USP39: variants seen among roughly 807,000 people sequenced by gnomAD.
The protein encoded by USP39 is ubiquitin carboxyl-terminal hydrolase 39.
In USP39, 38 loss-of-function variants were observed where a neutral mutation model predicts 66.4. The observed-to-expected ratio is 0.57, with a 90% confidence interval of 0.44 to 0.75. The LOEUF is 0.75. USP39 is among the 30% of genes least tolerant of loss of function. The pLI is 0.00. For synonymous variants in USP39, 303 were observed against 274.6 expected (o/e 1.10, Z -1.02); for missense variants, 608 against 714.4 (o/e 0.85, Z 1.70).
At chr2:85,633,342 C>T (rs1398174519) in intron 6 of USP39, among the ~76,000 whole-genome samples, 2 of 152,132 alleles carry the variant, frequency 1.3e-5, no homozygotes, top group African/African-American at 2.4e-5. Flanking sequence ...AGGCTGGTAT[C>T]GAACTCCTCA....
chr2:85,609,448 A>T, upstream of USP39: 1 of 1,614,138 alleles, frequency 6.2e-7, no homozygotes, highest in Non-Finnish European at 8.5e-7. Context: ...ATAGACGATA[A>T]CTGATGTGAC....
At chr2:85,634,166 T>G (rs567389366) in intron 6 of USP39, among the ~76,000 whole-genome samples, 1 of 151,630 alleles carries the variant, frequency 6.6e-6, no homozygotes, top group South Asian at 2.1e-4. Flanking sequence ...TCTCTGGTAC[T>G]TAAGGAGAAA....
At chr2:85,633,200 A>G (rs905066419) in intron 6 of USP39, among the ~76,000 whole-genome samples, 1 of 149,658 alleles carries the variant, frequency 6.7e-6, no homozygotes, top group Non-Finnish European at 1.5e-5. Flanking sequence ...GGCTCACTGC[A>G]ACCTCTGTCT....
At chr2:85,609,684 CA>C (rs1176715961), upstream of USP39, 8 of 1,472,346 alleles carry the variant, frequency 5.4e-6, no homozygotes, top group Non-Finnish European at 7.3e-6. Context: ...AGGAAAGCCC[CA>C]GTCTTCTTTT....
At chr2:85,610,559 CAG>C (rs1268355493), upstream of USP39, 1 of 152,108 alleles carries the variant, frequency 6.6e-6, no homozygotes, top group Non-Finnish European at 1.5e-5. Context: ...GTGAAACAGA[CAG>C]AAGCTTTCTT....
At chr2:85,612,391 T>C, upstream of USP39, 1 of 1,534,740 alleles carries the variant, frequency 6.5e-7, no homozygotes, top group Non-Finnish European at 8.7e-7. Flanking sequence ...CATCGCCATC[T>C]GCGTGACTTT....
Position 85,639,329 on chromosome 2 carries a change from C to T in USP39, c.1222C>T (p.Leu408Phe). ...CCTCTACAAGGACGAGAAGGAGCAG[C>T]TCATCATTCCCCAAGTGCCACTCTT... The part of the protein sequence containing the change: ...APLYKDEKEQ[L>F]IIPQVPLFNI... The change falls in exon 9 of 13, where the codon CTC (leucine) becomes TTC (phenylalanine). Residue 408 changes from leucine to phenylalanine, a missense_variant. By Grantham distance (22) the Leu-to-Phe change is conservative. Transcript: ENST00000323701. The T allele has an allele frequency of 6.2e-7, 1 of 1,614,078 alleles. No homozygotes were observed. The highest frequency in any genetic ancestry group is 2.2e-5 in the East Asian group (1 of 44,878).
chr2:85,630,583 A>G, intron 5 of USP39, 138 bp from the exon 6 acceptor site: 3 of 724,852 alleles, frequency 4.1e-6, no homozygotes, highest in Non-Finnish European at 7.0e-6. Flanking sequence ...AGGATTCTCC[A>G]AGGGTCCATT....
chr2:85,634,775 G>A (rs1259403912), intron 6 of USP39, among the ~76,000 whole-genome samples: 1 of 152,198 alleles, frequency 6.6e-6, no homozygotes, highest in Non-Finnish European at 1.5e-5. Flanking sequence ...TGTTGAGAAT[G>A]ATTTTTTTGT....
At chr2:85,609,557 A>C (rs1205908833), upstream of USP39, 2 of 1,614,212 alleles carry the variant, frequency 1.2e-6, no homozygotes, top group South Asian at 1.1e-5. Context: ...GACTCTTCAT[A>C]GTCTGGGTTG....
chr2:85,616,160 T>C (rs551009704), upstream of USP39: 2 of 1,406,854 alleles, frequency 1.4e-6, no homozygotes, highest in Non-Finnish European at 1.9e-6. Flanking sequence ...CGAGCGTGCT[T>C]GGCGCCTGCG....
intron 6 of USP39, among the ~76,000 whole-genome samples, chr2:85,633,610 T>A (rs1675536226): frequency 6.6e-6 from 1 of 151,828 alleles, no homozygotes; most frequent in South Asian, 2.1e-4. Context: ...TACAAAAAAT[T>A]TTTAAAAATT....
At chr2:85,628,797 A>G (rs1365927938) in intron 5 of USP39, among the ~76,000 whole-genome samples, 1 of 152,148 alleles carries the variant, frequency 6.6e-6, no homozygotes, top group Non-Finnish European at 1.5e-5. Context: ...ACAAACAGGA[A>G]GTCCTTGTTT....
At chr2:85,630,634 T>C (rs1372932993) in intron 5 of USP39, 87 bp from the exon 6 acceptor site, 3 of 1,326,166 alleles carry the variant, frequency 2.3e-6, no homozygotes, top group Non-Finnish European at 3.2e-6. Context: ...ACATCACAAA[T>C]TCTATTAGGA....
chr2:85,611,636 G>A (rs772333453), upstream of USP39: 1 of 1,565,426 alleles, frequency 6.4e-7, no homozygotes, highest in Non-Finnish European at 8.7e-7. Flanking sequence ...AAGAGCGCGC[G>A]GGCTGGAGGC....
chr2:85,636,157 T>C, intron 7 of USP39, 27 bp downstream of exon 7: 1 of 1,607,178 alleles, frequency 6.2e-7, no homozygotes, highest in Non-Finnish European at 8.5e-7. Context: ...TAAAAAGGAG[T>C]TATTTTGTTC....
chr2:85,642,768 A>G (rs1329721208), intron 10 of USP39, among the ~76,000 whole-genome samples: 1 of 152,106 alleles, frequency 6.6e-6, no homozygotes, highest in Non-Finnish European at 1.5e-5. Flanking sequence ...GTCTTCTCCT[A>G]TGTTTTATTC....
intron 11 of USP39, among the ~76,000 whole-genome samples, chr2:85,647,552 C>T (rs776979922): frequency 6.6e-6 from 1 of 151,224 alleles, no homozygotes; most frequent in Non-Finnish European, 1.5e-5. Context: ...TTCCAGCTAC[C>T]TGGGAGGCTG....
In USP39 at chr2:85,631,363, T is replaced by C. The variant is rs533965752; in HGVS notation, c.949+417T>C. Among the ~76,000 whole-genome samples, 7 of 145,134 alleles carry C rather than the reference T, an allele frequency of 4.8e-5. No homozygotes were observed. In the East Asian group the frequency reaches 1.5e-3, roughly 30 times the overall value. On this transcript the variant is annotated intron_variant, in intron 6 of 12. Coordinates refer to ENST00000323701, the MANE Select transcript of USP39 (RefSeq NM_006590.4). ...GACAGTCTTGCTCTTTTGACCAGGCTGGAGTGCAGTGGCGGGACTTGTAGC... is the reference window on the plus strand; with the variant it reads ...GACAGTCTTGCTCTTTTGACCAGGCCGGAGTGCAGTGGCGGGACTTGTAGC...
Sources: allele counts gnomAD v4.1 joint callset (sites outside exome capture counted in the v4.1 genomes callset), GRCh38; gene constraint gnomAD v4.1.1; transcripts MANE v1.5; gene names NCBI Gene and HGNC (gene_info 2026-07-23, HGNC 2026-07-21).